Variants in KCNIP1 observed in about 807,000 individuals in gnomAD.
KCNIP1 encodes the protein A-type potassium channel modulatory protein KCNIP1.
In KCNIP1, 18 loss-of-function variants were observed where a neutral mutation model predicts 33.0. The ratio of observed to expected loss-of-function variants is 0.55; its 90% confidence interval spans 0.38 to 0.81. The LOEUF (loss-of-function observed/expected upper bound fraction) is 0.81. KCNIP1 is among the 30% of genes least tolerant of loss of function. KCNIP1 has a pLI of 0.00. For missense variants in KCNIP1, 238 were observed against 271.6 expected (o/e 0.88, Z 0.87); for synonymous variants, 93 against 98.3 (o/e 0.95, Z 0.32).
intron 1 of KCNIP1, among the ~76,000 whole-genome samples, chr5:170,597,189 A>G (rs546619942): frequency 6.6e-6 from 1 of 152,262 alleles, no homozygotes; most frequent in African/African-American, 2.4e-5. Flanking sequence ...TTAGGCCCGC[A>G]CGGTGGGTGG....
At chr5:170,407,561 G>A (rs827783) in intron 1 of KCNIP1, among the ~76,000 whole-genome samples, 112,094 of 152,212 alleles carry the variant, frequency 0.74, 42,118 homozygotes, top group African/African-American at 0.89. Context: ...TTAAAGACAT[G>A]TTAATACTAC....
chr5:170,581,902 A>G (rs773705594), intron 1 of KCNIP1, among the ~76,000 whole-genome samples: 21 of 152,100 alleles, frequency 1.4e-4, no homozygotes, highest in Non-Finnish European at 2.8e-4. Flanking sequence ...CAGAAAGTGA[A>G]GAGGAGCTGG....
intron 1 of KCNIP1, among the ~76,000 whole-genome samples, chr5:170,529,082 G>A (rs57437608): frequency 0.055 from 8,338 of 152,262 alleles, 739 homozygotes; most frequent in African/African-American, 0.18. Context: ...GGAAGAAAAG[G>A]GGGGTTTATT....
At chr5:170,374,153 AGTT>A (rs1309632151) in intron 1 of KCNIP1, among the ~76,000 whole-genome samples, 1 of 152,210 alleles carries the variant, frequency 6.6e-6, no homozygotes, top group Non-Finnish European at 1.5e-5. Context: ...ATTTTGGATG[AGTT>A]GTTGATTTAG....
chr5:170,525,065 A>G (rs983527741), intron 1 of KCNIP1, among the ~76,000 whole-genome samples: 4 of 152,170 alleles, frequency 2.6e-5, no homozygotes, highest in African/African-American at 7.2e-5. Flanking sequence ...TTTGCCTAAG[A>G]TTTAGGCCCT....
At chr5:170,624,613 C>T (rs955493839) in intron 1 of KCNIP1, among the ~76,000 whole-genome samples, 3 of 151,754 alleles carry the variant, frequency 2.0e-5, no homozygotes, top group Non-Finnish European at 4.4e-5. Context: ...ATGTCAATCT[C>T]ACACGCAGTT....
intron 1 of KCNIP1, among the ~76,000 whole-genome samples, chr5:170,590,057 T>A (rs1325532025): frequency 2.6e-5 from 4 of 152,096 alleles, no homozygotes; most frequent in Non-Finnish European, 5.9e-5. Flanking sequence ...ATAGGAAGTA[T>A]GAGCAGAGTG....
rs146317785 is a variant in KCNIP1 at position 170,505,845 on chromosome 5, G to C, written c.61+1212G>C. On this transcript the variant is annotated intron_variant, in intron 1 of 7. Coordinates refer to ENST00000328939, the MANE Select transcript of KCNIP1 (RefSeq NM_014592.4). ...GATCTTAGGTGCTGAAGCTGGGTTG[G>C]CATTTACATCCTAGAACATAGGAAG... Among the ~76,000 whole-genome samples, 292 of 152,186 alleles carry C rather than the reference G, an allele frequency of 1.9e-3. 2 individuals are homozygous for C. Among genetic ancestry groups the C allele is most frequent in the African/African-American group, 6.8e-3 (282 of 41,530 alleles).
chr5:170,395,644 A>C (rs1754740562), intron 1 of KCNIP1, among the ~76,000 whole-genome samples: 1 of 152,226 alleles, frequency 6.6e-6, no homozygotes, highest in Non-Finnish European at 1.5e-5. Flanking sequence ...GAACAGGTGG[A>C]TAGAGATGGC....
At chr5:170,572,198 G>A (rs774864425) in intron 1 of KCNIP1, among the ~76,000 whole-genome samples, 2 of 152,182 alleles carry the variant, frequency 1.3e-5, no homozygotes, top group Non-Finnish European at 2.9e-5. Flanking sequence ...GAAATCGACT[G>A]TATGCGTAAT....
intron 1 of KCNIP1, chr5:170,378,997 T>C (rs314157): frequency 0.31 from 499,992 of 1,606,904 alleles, 80,580 homozygotes; most frequent in African/African-American, 0.48. Context: ...CAAGAGCAGC[T>C]GTGGGCTTGG....
At chr5:170,562,520 T>C (rs1186087045) in intron 1 of KCNIP1, among the ~76,000 whole-genome samples, 2 of 152,178 alleles carry the variant, frequency 1.3e-5, no homozygotes, top group African/African-American at 4.8e-5. Context: ...AATGCTGTCT[T>C]CACTGGCCTC....
chr5:170,572,401 C>T (rs1481429520), intron 1 of KCNIP1, among the ~76,000 whole-genome samples: 8 of 152,172 alleles, frequency 5.3e-5, no homozygotes, highest in East Asian at 1.9e-4. Context: ...CGGAATGCAC[C>T]GAATGGCTGG....
intron 1 of KCNIP1, among the ~76,000 whole-genome samples, chr5:170,471,958 G>A (rs1270671725): frequency 6.6e-6 from 1 of 152,150 alleles, no homozygotes; most frequent in African/African-American, 2.4e-5. Flanking sequence ...CACGTGGGAG[G>A]CATGAAGGCT....
chr5:170,526,443 A>G (rs371689697), intron 1 of KCNIP1, among the ~76,000 whole-genome samples: 12 of 152,302 alleles, frequency 7.9e-5, no homozygotes, highest in East Asian at 5.8e-4. Flanking sequence ...TTTCCAGGCC[A>G]TATTGGAACT....
At chr5:170,391,265 T>C (rs537361791) in intron 1 of KCNIP1, among the ~76,000 whole-genome samples, 51 of 152,326 alleles carry the variant, frequency 3.3e-4, no homozygotes, top group African/African-American at 1.2e-3. Flanking sequence ...CTGCCATTTA[T>C]GAGTATAACC....
chr5:170,725,181 C>A (rs562300952), intron 5 of KCNIP1, among the ~76,000 whole-genome samples: 1 of 152,222 alleles, frequency 6.6e-6, no homozygotes, highest in South Asian at 2.1e-4. Flanking sequence ...TGGCTATATA[C>A]CCCATGTAAA....
At chr5:170,699,247 G>T (rs1763006452) in intron 1 of KCNIP1, among the ~76,000 whole-genome samples, 1 of 152,178 alleles carries the variant, frequency 6.6e-6, no homozygotes, top group South Asian at 2.1e-4. Context: ...ATCTAAGAGA[G>T]AGATGATATA....
chr5:170,408,495 T>C (rs1755095757), intron 1 of KCNIP1, among the ~76,000 whole-genome samples: 2 of 152,176 alleles, frequency 1.3e-5, no homozygotes, highest in African/African-American at 4.8e-5. Context: ...AGAATCATCC[T>C]GCACCCCAAA....
Sources: gnomAD v4.1 joint callset for allele counts (sites outside exome capture counted in the v4.1 genomes callset) on GRCh38, gnomAD v4.1.1 for gene constraint, MANE v1.5 for transcripts, NCBI Gene and HGNC (gene_info 2026-07-23, HGNC 2026-07-21) for gene names.